The following GGTA1 variants were observed in gnomAD, a reference collection of about 807,000 sequenced individuals.
GGTA1 encodes glycoprotein alpha-galactosyltransferase 1 (inactive).
GGTA1 carries 5 observed loss-of-function variants against 2.6 expected under a neutral mutation model. That is an observed-to-expected ratio of 1.92 (90% CI 1.00 to 4.04). The LOEUF (loss-of-function observed/expected upper bound fraction) is 4.04, where lower values mean the gene tolerates loss of function less well. Ranked by LOEUF, GGTA1 falls within the 30% of genes most tolerant of loss-of-function variation. The pLI, the probability that GGTA1 is intolerant of heterozygous loss-of-function variation, is 0.00. For missense variants in GGTA1, 50 were observed against 16.7 expected, an observed-to-expected ratio of 2.99 and a Z score of -3.47; for synonymous variants, 17 against 5.0, an observed-to-expected ratio of 3.38 and a Z score of -3.19.
chr9:121,489,944 A>T (rs1041470261), intron 1 of GGTA1, among the ~76,000 whole-genome samples: 1 of 152,236 alleles, frequency 6.6e-6, no homozygotes, highest in African/African-American at 2.4e-5. Flanking sequence ...TACTTTCTTT[A>T]ACAGTAGGTA....
At chr9:121,448,797 G>A (rs1044238952) in intron 7 of GGTA1, among the ~76,000 whole-genome samples, 2 of 151,862 alleles carry the variant, frequency 1.3e-5, no homozygotes, top group Admixed American at 1.3e-4. Context: ...TGTTACAATC[G>A]ATGAAGCTAC....
chr9:121,462,017 T>C (rs2064964116), intron 3 of GGTA1, among the ~76,000 whole-genome samples: 1 of 152,184 alleles, frequency 6.6e-6, no homozygotes, highest in African/African-American at 2.4e-5. Context: ...CACTCATTCA[T>C]TGTGAAAGTC....
chr9:121,474,363 C>T (rs796628325), intron 1 of GGTA1, among the ~76,000 whole-genome samples: 4 of 152,342 alleles, frequency 2.6e-5, no homozygotes, highest in African/African-American at 9.6e-5. Flanking sequence ...TGCAAGCACT[C>T]TCACCCCCAT....
At chr9:121,453,758 G>A (rs2064890952), downstream of GGTA1, among the ~76,000 whole-genome samples, 2 of 152,170 alleles carry the variant, frequency 1.3e-5, no homozygotes, top group South Asian at 4.1e-4. Flanking sequence ...ACGGCCAGTG[G>A]AGGCCTGGGT....
At chr9:121,457,850 G>A (rs1262428266) in intron 5 of GGTA1, among the ~76,000 whole-genome samples, 2 of 151,728 alleles carry the variant, frequency 1.3e-5, no homozygotes, top group South Asian at 2.1e-4. Flanking sequence ...GAAGCAAAGC[G>A]ACCTTGATAT....
intron 1 of GGTA1, among the ~76,000 whole-genome samples, chr9:121,496,999 C>A (rs2118787185): frequency 6.6e-6 from 1 of 152,048 alleles, no homozygotes; most frequent in East Asian, 1.9e-4. Context: ...TCGAGACCAG[C>A]CTGGCCAACA....
intron 1 of GGTA1, among the ~76,000 whole-genome samples, chr9:121,484,900 C>T (rs142246384): frequency 6.6e-6 from 1 of 152,290 alleles, no homozygotes; most frequent in African/African-American, 2.4e-5. Flanking sequence ...TGAGCCTCCC[C>T]AGAAGCCGTC....
intron 5 of GGTA1, among the ~76,000 whole-genome samples, chr9:121,458,289 G>C (rs2064930267): frequency 6.6e-6 from 1 of 152,002 alleles, no homozygotes; most frequent in Admixed American, 6.6e-5. Flanking sequence ...TAGATGCCCT[G>C]AGAAGACTTA....
intron 1 of GGTA1, among the ~76,000 whole-genome samples, chr9:121,485,826 C>T (rs1589337246): frequency 6.6e-6 from 1 of 152,202 alleles, no homozygotes; most frequent in African/African-American, 2.4e-5. Context: ...CACCCACATA[C>T]ACCCACTTCC....
chr9:121,472,597 A>C (rs1019573288), intron 1 of GGTA1, among the ~76,000 whole-genome samples: 35 of 152,352 alleles, frequency 2.3e-4, no homozygotes, highest in African/African-American at 7.5e-4. Flanking sequence ...AGGACTCTAA[A>C]GGTTTACCCA....
intron 1 of GGTA1, among the ~76,000 whole-genome samples, chr9:121,472,206 GTGC>G (rs1828405363): frequency 6.6e-6 from 1 of 152,160 alleles, no homozygotes; most frequent in African/African-American, 2.4e-5. Flanking sequence ...TTATTATGTG[GTGC>G]TGCTGCACCA....
intron 1 of GGTA1, chr9:121,479,373 G>A: frequency 2.9e-6 from 1 of 339,520 alleles, no homozygotes; most frequent in South Asian, 2.3e-5. Context: ...GAGATGGGGA[G>A]TAGACAGAGC....
intron 1 of GGTA1, among the ~76,000 whole-genome samples, chr9:121,471,767 G>A (rs1165673115): frequency 6.6e-6 from 1 of 152,134 alleles, no homozygotes; most frequent in Non-Finnish European, 1.5e-5. Flanking sequence ...AGCACATACA[G>A]CCCCAGACCC....
chr9:121,447,872 T>C (rs968447778), intron 7 of GGTA1, among the ~76,000 whole-genome samples: 1 of 152,182 alleles, frequency 6.6e-6, no homozygotes, highest in Non-Finnish European at 1.5e-5. Flanking sequence ...CTTATCTCAC[T>C]GCCAATTTTG....
At position 121,485,819 on chromosome 9, in the gene GGTA1, C is replaced by T. The variant is rs931932516; in HGVS notation, c.-10+13831G>A. Among the ~76,000 whole-genome samples the T allele has an allele frequency of 5.3e-5, 8 of 152,130 alleles. 1 individual carries two copies. The highest frequency in any genetic ancestry group is 1.2e-4 in the Non-Finnish European group (8 of 68,026). On this transcript the variant is annotated intron_variant, in intron 1 of 5. Transcript: ENST00000481799. ...GGGGAAGGTCCCCTCCCCTCTGCACCCACATACACCCACTTCCTCAGATCA... is the reference window on the plus strand; with the variant it reads ...GGGGAAGGTCCCCTCCCCTCTGCACTCACATACACCCACTTCCTCAGATCA...
At chr9:121,468,447 C>T (rs1013690255) in intron 1 of GGTA1, among the ~76,000 whole-genome samples, 2 of 152,250 alleles carry the variant, frequency 1.3e-5, no homozygotes, top group East Asian at 1.9e-4. Context: ...GATTTCAAGT[C>T]TTTGCTATAG....
chr9:121,445,680 T>C (rs927943891), exon 8 of GGTA1: 1 of 152,250 alleles, frequency 6.6e-6, no homozygotes, highest in African/African-American at 2.4e-5. Context: ...TCCATTGTTA[T>C]GGCTCATGCT....
chr9:121,454,119 C>T (rs1019836642), downstream of GGTA1, among the ~76,000 whole-genome samples: 4 of 152,138 alleles, frequency 2.6e-5, no homozygotes, highest in Non-Finnish European at 5.9e-5. Flanking sequence ...CCTGGTTCAC[C>T]ACATCTTGTC....
chr9:121,456,330 C>A (rs761522889), intron 5 of GGTA1, among the ~76,000 whole-genome samples: 7 of 152,210 alleles, frequency 4.6e-5, no homozygotes, highest in Non-Finnish European at 1.0e-4. Flanking sequence ...CCAAAGCACA[C>A]ACCTTCCTAG....
Sources: allele counts gnomAD v4.1 joint callset (sites outside exome capture counted in the v4.1 genomes callset), GRCh38; gene constraint gnomAD v4.1.1; transcripts MANE v1.5; gene names NCBI Gene and HGNC (gene_info 2026-07-23, HGNC 2026-07-21).